PCDH15: variants seen among roughly 807,000 people sequenced by gnomAD.
PCDH15 encodes the protein protocadherin related 15.
Under a neutral mutation model 178.5 loss-of-function variants are expected in PCDH15, and 129 were observed. The ratio of observed to expected loss-of-function variants is 0.72; its 90% CI spans 0.63 to 0.84. PCDH15 has a LOEUF of 0.84. Ranked by LOEUF, PCDH15 falls within the 40% of genes least tolerant of loss-of-function variation. The pLI is 0.00. For missense variants in PCDH15, 2,230 were observed against 2,099.9 expected (o/e 1.06, Z -1.21); for synonymous variants, 800 against 732.0 (o/e 1.09, Z -1.50).
chr10:55,261,787 C>G (rs1244410690), intron 1 of PCDH15, among the ~76,000 whole-genome samples: 1 of 152,106 alleles, frequency 6.6e-6, no homozygotes, highest in Admixed American at 6.5e-5. Flanking sequence ...AAAGTAAATT[C>G]TAGACTTATA....
chr10:54,165,386 AT>A (rs1319944690), intron 13 of PCDH15, among the ~76,000 whole-genome samples: 1 of 152,156 alleles, frequency 6.6e-6, no homozygotes, highest in East Asian at 1.9e-4. Flanking sequence ...CCGAAGATGA[AT>A]CTCCCATCTA....
In PCDH15 at chr10:54,195,695, C is replaced by G. The variant is rs748925747; in HGVS notation, c.1293G>C (p.Lys431Asn). The G allele has an allele frequency of 6.2e-7, 1 of 1,613,518 alleles. No homozygotes were observed. Among genetic ancestry groups the G allele is most frequent in the African/African-American group, 1.3e-5 (1 of 74,978 alleles). Reference protein sequence around the residue: ...TSPLRIVALDKDIEDTKDPEL... With the variant: ...TSPLRIVALDNDIEDTKDPEL... Reference sequence around the variant, plus strand: ...GTATTTAACTTACATCTTCTATGTCCTTGTCCAGAGCTACTATTCTTAAAG... The same window carrying G: ...GTATTTAACTTACATCTTCTATGTCGTTGTCCAGAGCTACTATTCTTAAAG... Residue 431 changes from lysine (K) to asparagine (N), a missense_variant, in exon 11 of 38, where the codon AAG becomes AAC. By Grantham distance (94) the Lys-to-Asn change is moderately conservative. Coordinates refer to ENST00000644397, the MANE Select transcript of PCDH15 (RefSeq NM_001384140.1).
At chr10:54,459,323 T>G (rs2077026485) in intron 3 of PCDH15, among the ~76,000 whole-genome samples, 3 of 152,178 alleles carry the variant, frequency 2.0e-5, no homozygotes, top group Non-Finnish European at 4.4e-5. Context: ...TTTATTTCAA[T>G]ATTTAATATT....
intron 3 of PCDH15, among the ~76,000 whole-genome samples, chr10:54,863,776 T>C (rs1204199270): frequency 6.6e-6 from 1 of 152,162 alleles, no homozygotes; most frequent in Admixed American, 6.6e-5. Flanking sequence ...TTAAAGTTGA[T>C]ATTAAACCTC....
chr10:54,692,699 A>AAACATCCCTGATTGAGTAACTCCG (rs66510225), intron 1 of PCDH15, among the ~76,000 whole-genome samples: 18,331 of 151,874 alleles, frequency 0.12, 1,765 homozygotes, highest in East Asian at 0.48. Flanking sequence ...GAATAACTCC[A>AAACATCCCTGATTGAGTAACTCCG]AACATCCCTG....
chr10:54,053,082 G>A lies in PCDH15; in HGVS notation c.2220+13675C>T, dbSNP rs2093813012. 1.3e-5 allele frequency among the ~76,000 whole-genome samples: 2 copies of A among 152,130 alleles called. 1 individual carries two copies. The highest frequency in any genetic ancestry group is 4.8e-5 in the African/African-American group (2 of 41,412). ...TTATAAATTCCCCAGTCTAAGGTGT[G>A]TCTTTATTAGCAGTGTGAGAACAGA... On this transcript the variant is annotated intron_variant, in intron 18 of 37. Coordinates refer to ENST00000644397, the MANE Select transcript of PCDH15 (RefSeq NM_001384140.1).
intron 9 of PCDH15, among the ~76,000 whole-genome samples, chr10:54,222,014 G>A (rs189530434): frequency 6.6e-6 from 1 of 152,198 alleles, no homozygotes; most frequent in East Asian, 1.9e-4. Context: ...TATTGCCTAG[G>A]TGTTATTCTA....
chr10:55,592,462 C>T (rs895323508), intron 2 of PCDH15, among the ~76,000 whole-genome samples: 2 of 152,204 alleles, frequency 1.3e-5, no homozygotes, highest in Non-Finnish European at 2.9e-5. Context: ...TCCTCACAAG[C>T]TTCTCTGTCT....
intron 2 of PCDH15, among the ~76,000 whole-genome samples, chr10:55,419,311 C>A (rs1838561516): frequency 6.6e-6 from 1 of 151,810 alleles, no homozygotes. Flanking sequence ...TTGTAGATTG[C>A]ACGGATTTTG....
At chr10:55,571,141 T>C (rs1240167953) in intron 2 of PCDH15, among the ~76,000 whole-genome samples, 3 of 151,966 alleles carry the variant, frequency 2.0e-5, no homozygotes, top group Non-Finnish European at 4.4e-5. Flanking sequence ...TGAGTTCATG[T>C]GAGAGTTGGT....
intron 13 of PCDH15, among the ~76,000 whole-genome samples, chr10:54,173,834 A>G (rs894998329): frequency 2.0e-5 from 3 of 152,196 alleles, no homozygotes; most frequent in African/African-American, 7.2e-5. Context: ...TGTGCTGTGA[A>G]GGAGAAATCA....
chr10:54,073,146 T>C (rs1358357182), intron 17 of PCDH15, among the ~76,000 whole-genome samples: 1 of 151,876 alleles, frequency 6.6e-6, no homozygotes, highest in East Asian at 1.9e-4. Context: ...TATGTATGTA[T>C]ACACATTTTA....
Position 54,220,569 on chromosome 10 carries a change from T to A in PCDH15, c.986-6521A>T, listed in dbSNP as rs551652410. 2.0e-5 allele frequency among the ~76,000 whole-genome samples: 3 copies of A among 152,252 alleles called. No individual in the cohort carries two copies. In the East Asian group the frequency reaches 5.8e-4, roughly 29 times the overall value. On this transcript the variant is annotated intron_variant, in intron 9 of 37. Transcript: ENST00000644397. Reference sequence around the variant, plus strand: ...GTATAACTAGCAATTAAAAAATACATCTCCTTAGCACTTTGGGAGGCCGAG... The same window carrying A: ...GTATAACTAGCAATTAAAAAATACAACTCCTTAGCACTTTGGGAGGCCGAG...
chr10:55,491,361 C>G lies in PCDH15; in HGVS notation c.-156+136264G>C, dbSNP rs139176078. Among the ~76,000 whole-genome samples, 917 of 151,848 alleles carry G rather than the reference C, an allele frequency of 6.0e-3. 9 individuals carry two copies. Among genetic ancestry groups the G allele is most frequent in the African/African-American group, 0.021 (884 of 41,484 alleles). On this transcript the variant is annotated intron_variant, in intron 2 of 5. Coordinates refer to the PCDH15 transcript ENST00000613346. Reference sequence around the variant, plus strand: ...GTCTCACTTCTCCCACCCAGCTTGTCCACGTAAGGTGAGATTCTACATCAG... The same window carrying G: ...GTCTCACTTCTCCCACCCAGCTTGTGCACGTAAGGTGAGATTCTACATCAG...
intron 2 of PCDH15, among the ~76,000 whole-genome samples, chr10:54,997,897 G>A (rs1839685790): frequency 6.6e-6 from 1 of 152,042 alleles, no homozygotes; most frequent in Non-Finnish European, 1.5e-5. Context: ...TTTGATGTCT[G>A]GGTCATTTCC....
intron 2 of PCDH15, among the ~76,000 whole-genome samples, chr10:55,048,672 GT>G (rs1280007766): frequency 6.6e-6 from 1 of 151,716 alleles, no homozygotes; most frequent in Non-Finnish European, 1.5e-5. Flanking sequence ...TTTACAAAGA[GT>G]TTTAATTTTA....
rs138586954 is a variant in PCDH15 at position 55,194,309 on chromosome 10, A to C, written c.-155-27658T>G. On this transcript the variant is annotated intron_variant, in intron 1 of 5. Coordinates refer to the PCDH15 transcript ENST00000458638. ...TCTTTTATCTCAAAGAAAGAGTATG[A>C]CAGGTATGTTAAAAACTATTGTCTA... 5.8e-3 allele frequency among the ~76,000 whole-genome samples: 876 copies of C among 152,162 alleles called. 9 individuals are homozygous for C. Among genetic ancestry groups the C allele is most frequent in the Middle Eastern group, 0.02 (6 of 294 alleles).
intron 32 of PCDH15, chr10:53,822,313 G>A (rs2076328885): frequency 1.9e-6 from 3 of 1,609,106 alleles, no homozygotes; most frequent in African/African-American, 2.7e-5. Context: ...GGTGTTGGGG[G>A]ACCAGACGTT....
chr10:54,935,065 C>T (rs1041262750), intron 2 of PCDH15, among the ~76,000 whole-genome samples: 1 of 144,566 alleles, frequency 6.9e-6, no homozygotes, highest in South Asian at 2.2e-4. Flanking sequence ...GAACATCACA[C>T]TCTGGGGACT....
Sources: allele counts gnomAD v4.1 joint callset (sites outside exome capture counted in the v4.1 genomes callset), GRCh38; gene constraint gnomAD v4.1.1; transcripts MANE v1.5; gene names NCBI Gene and HGNC (gene_info 2026-07-23, HGNC 2026-07-21).